Variants in RALY observed in about 807,000 individuals in gnomAD.
RALY encodes the protein RALY heterogeneous nuclear ribonucleoprotein.
Under a neutral mutation model 30.7 loss-of-function variants are expected in RALY, and 15 were observed. The observed-to-expected ratio is 0.49, with a 90% CI of 0.33 to 0.75. The LOEUF is 0.75. Among genes scored for constraint, RALY ranks in the 30% least tolerant of loss-of-function variants. RALY has a pLI of 0.02. For missense variants in RALY, 339 were observed against 414.3 expected (o/e 0.82, Z 1.58); for synonymous variants, 177 against 170.8 (o/e 1.04, Z -0.28).
At chr20:34,008,008 A>G (rs2031239569) in intron 1 of RALY, among the ~76,000 whole-genome samples, 1 of 152,062 alleles carries the variant, frequency 6.6e-6, no homozygotes, top group Non-Finnish European at 1.5e-5. Context: ...TCATTGTGGG[A>G]CTATGGGATC....
intron 1 of RALY, among the ~76,000 whole-genome samples, chr20:34,029,445 A>T (rs1320642907): frequency 7.2e-6 from 1 of 138,870 alleles, no homozygotes; most frequent in Non-Finnish European, 1.6e-5. Flanking sequence ...TGCAAAACAT[A>T]AAGAAAGGAA....
chr20:33,999,336 A>G (rs943677323), intron 1 of RALY, among the ~76,000 whole-genome samples: 1 of 152,088 alleles, frequency 6.6e-6, no homozygotes, highest in Non-Finnish European at 1.5e-5. Context: ...CTCCTTACAT[A>G]TGCTTTCACT....
chr20:34,053,259 A>G (rs1026247960), intron 2 of RALY, among the ~76,000 whole-genome samples: 1 of 151,896 alleles, frequency 6.6e-6, no homozygotes, highest in African/African-American at 2.4e-5. Context: ...TTTTCCATGT[A>G]TCATATGAGG....
rs148059947 is a variant in RALY, at chr20:34,077,187, C to T, written c.818C>T (p.Ala273Val). ...GAGGCAGGCCTGCCCCAGGGGGAAG[C>T]ACGGACCCGAGACGACGGCGATGAG... ...TSEAGLPQGE[A>V]RTRDDGDEEG... Residue 273 changes from alanine (A) to valine (V), a missense_variant, in exon 8 of 10, where the codon GCA becomes GTA. Around this residue, in one of 2 missense-constraint regions of RALY, gnomAD observed 268 missense variants for 280.6 expected, o/e 0.95. Coordinates refer to ENST00000246194, the MANE Select transcript of RALY (RefSeq NM_016732.3). The T allele has an allele frequency of 7.4e-6, 12 of 1,613,686 alleles. No homozygotes were observed. The highest frequency in any genetic ancestry group is 7.6e-6 in the Non-Finnish European group (9 of 1,179,976).
chr20:33,999,956 A>G (rs2030836810), intron 1 of RALY, among the ~76,000 whole-genome samples: 1 of 152,108 alleles, frequency 6.6e-6, no homozygotes, highest in South Asian at 2.1e-4. Flanking sequence ...TTTAGATAAT[A>G]TATCTCTAGG....
chr20:34,039,386 A>G (rs187052990), intron 2 of RALY, among the ~76,000 whole-genome samples: 12 of 152,226 alleles, frequency 7.9e-5, no homozygotes, highest in Admixed American at 7.9e-4. Context: ...TCTATCACCC[A>G]CTCATTGGGT....
At chr20:34,036,618 T>C (rs889877664) in intron 2 of RALY, among the ~76,000 whole-genome samples, 1 of 152,264 alleles carries the variant, frequency 6.6e-6, no homozygotes, top group Non-Finnish European at 1.5e-5. Flanking sequence ...TTATTTCTTC[T>C]TTAATTGTTT....
chr20:34,084,857 A>G lies in RALY; in HGVS notation c.*4952A>G, dbSNP rs2034077896. The G allele has an allele frequency of 2.0e-5, 3 of 152,320 alleles. No individual in the cohort carries two copies. The South Asian group carries it at 6.2e-4, about 31-fold the overall frequency. The allele number at this position is 152,320 out of a possible 1,614,324, so 9.4% of individuals were successfully genotyped here. A position where few individuals can be genotyped will look rare whatever the true frequency, so the allele number is the denominator to read the frequency against. ...CATTCAAAGCCCAGCACCATGAGAGATAATAAAACGTTGTTTGAAGATGCT... is the reference window on the plus strand; with the variant it reads ...CATTCAAAGCCCAGCACCATGAGAGGTAATAAAACGTTGTTTGAAGATGCT... On this transcript the variant is annotated 3_prime_UTR_variant, in exon 10 of 10. Transcript: ENST00000246194.
chr20:34,077,016 C>G lies in RALY; in HGVS notation c.659-12C>G. The G allele has an allele frequency of 6.2e-7, 1 of 1,610,506 alleles. No individual in the cohort carries two copies. ...AGTTTTATTCTCCCCTCCTCCACCC[C>G]TTCCCCTCAAGATGGCAAGAAGAAG... On this transcript the variant is annotated splice_polypyrimidine_tract_variant and intron_variant, in intron 7 of 9. Transcript: ENST00000246194.
At chr20:34,025,822 C>T (rs1477037581) in intron 1 of RALY, among the ~76,000 whole-genome samples, 2 of 151,904 alleles carry the variant, frequency 1.3e-5, no homozygotes, top group East Asian at 1.9e-4. Flanking sequence ...GATGTCCACA[C>T]CCAGGCTTCC....
chr20:34,001,592 C>G (rs558977608), intron 1 of RALY, among the ~76,000 whole-genome samples: 1 of 152,158 alleles, frequency 6.6e-6, no homozygotes, highest in South Asian at 2.1e-4. Flanking sequence ...GCTTAGTTAA[C>G]GGTACTGCTT....
chr20:34,019,514 T>G (rs1349728231), intron 1 of RALY, among the ~76,000 whole-genome samples: 1 of 152,160 alleles, frequency 6.6e-6, no homozygotes, highest in Non-Finnish European at 1.5e-5. Flanking sequence ...AAGGATTCTT[T>G]GATGCTGTGG....
At chr20:34,075,012 G>A (rs2033834283) in intron 5 of RALY, among the ~76,000 whole-genome samples, 1 of 152,282 alleles carries the variant, frequency 6.6e-6, no homozygotes, top group East Asian at 1.9e-4. Context: ...AGCAACAGAT[G>A]TCAGAGAGAC....
rs2034067284 is a variant in RALY, at chr20:34,083,974, G to C, written c.*4069G>C. 6.6e-6 allele frequency: 1 copy of C among 152,196 alleles called. No individual in the cohort carries two copies. Among genetic ancestry groups the C allele is most frequent in the East Asian group, 1.9e-4 (1 of 5,196 alleles). The allele number at this position is 152,196 out of a possible 1,614,324, so 9.4% of individuals were successfully genotyped here. The stretch of plus-strand genomic sequence containing the variant: ...ACAGTAAACCATTTCCTGAACACCT[G>C]CTGTTAAAAAGCACATTTTACATTT... On this transcript the variant is annotated 3_prime_UTR_variant, in exon 10 of 10. Transcript: ENST00000246194.
At chr20:34,051,564 A>G (rs2033078570) in intron 2 of RALY, among the ~76,000 whole-genome samples, 2 of 152,180 alleles carry the variant, frequency 1.3e-5, no homozygotes, top group Non-Finnish European at 2.9e-5. Context: ...TAGCGTTTTC[A>G]GTATATTGCA....
At chr20:34,044,433 G>A (rs1367028887) in intron 2 of RALY, among the ~76,000 whole-genome samples, 4 of 151,592 alleles carry the variant, frequency 2.6e-5, no homozygotes, top group African/African-American at 9.7e-5. Context: ...TGATTCTTCT[G>A]CCTCAGCCTC....
intron 2 of RALY, among the ~76,000 whole-genome samples, chr20:34,066,562 T>C (rs2122254004): frequency 6.6e-6 from 1 of 152,276 alleles, no homozygotes; most frequent in South Asian, 2.1e-4. Context: ...GCCTCTTATT[T>C]GTTTATTTTG....
At chr20:34,022,067 T>C (rs2123057444) in intron 1 of RALY, among the ~76,000 whole-genome samples, 1 of 150,882 alleles carries the variant, frequency 6.6e-6, no homozygotes, top group South Asian at 2.1e-4. Flanking sequence ...CTTCTCTTTC[T>C]TTCCTTTTTT....
chr20:34,077,337 C>T (rs2033921637), intron 8 of RALY, 92 bp downstream of exon 8: 1 of 1,568,108 alleles, frequency 6.4e-7, no homozygotes, highest in Non-Finnish European at 8.6e-7. Context: ...GCTGGTTGCC[C>T]CCACTGTGAA....
Sources: allele counts gnomAD v4.1 joint callset (sites outside exome capture counted in the v4.1 genomes callset), GRCh38; gene constraint gnomAD v4.1.1; regional missense constraint gnomAD v4.1.1; transcripts MANE v1.5; gene names NCBI Gene and HGNC (gene_info 2026-07-23, HGNC 2026-07-21).